Variants in CLCN6 observed in about 807,000 individuals in gnomAD.
CLCN6 encodes Cl-/H+ antiporter 6.
In CLCN6, 70 loss-of-function variants were observed where a neutral mutation model predicts 109.8. The observed-to-expected ratio is 0.64, with a 90% CI of 0.53 to 0.78. CLCN6 has a LOEUF of 0.78. CLCN6 is among the 30% of genes least tolerant of loss of function. The probability of loss-of-function intolerance (pLI) is 0.00; values close to 1 mark genes in which losing one functional copy is unlikely to be tolerated. For synonymous variants in CLCN6, 444 were observed against 447.8 expected, an observed-to-expected ratio of 0.99 and a Z score of 0.11; for missense variants, 984 against 1,142.3, an observed-to-expected ratio of 0.86 and a Z score of 2.00.
Position 11,833,958 on chromosome 1 carries a change from C to T in CLCN6, c.1454C>T (p.Pro485Leu). The T allele has an allele frequency of 1.2e-6, 2 of 1,614,018 alleles. No homozygotes were observed. Among genetic ancestry groups the T allele is most frequent in the Non-Finnish European group, 1.7e-6 (2 of 1,180,022 alleles). ...LACWTYGISV[P>L]SGLFVPSLLC... ...TGTTGGACTTACGGCATTTCTGTTC[C>T]AAGTGGCCTTTTTGTGCCTTCTCTG... Residue 485 changes from proline (P) to leucine (L), a missense_variant, in exon 15 of 23, where the codon CCA becomes CTA. Transcript: ENST00000346436.
intron 22 of CLCN6, among the ~76,000 whole-genome samples, 161 bp from the exon 23 acceptor site, chr1:11,839,982 G>T (rs750116021): frequency 2.0e-5 from 3 of 152,230 alleles, no homozygotes; most frequent in Admixed American, 6.5e-5. Flanking sequence ...CCTCCAGTGT[G>T]TGAGCCCTCG....
chr1:11,836,586 G>A (rs1442445910), intron 18 of CLCN6, among the ~76,000 whole-genome samples: 1 of 152,140 alleles, frequency 6.6e-6, no homozygotes, highest in Non-Finnish European at 1.5e-5. Flanking sequence ...GACATCCCTT[G>A]GGTACCAGGA....
intron 4 of CLCN6, 31 bp downstream of exon 4, chr1:11,816,711 G>A: frequency 1.3e-6 from 2 of 1,586,322 alleles, no homozygotes; most frequent in Non-Finnish European, 1.7e-6. Flanking sequence ...GGGATGGTGG[G>A]CCATAGGGCT....
rs148098036 is a variant in CLCN6 at position 11,838,628 on chromosome 1, C to T, written c.2497C>T (p.Arg833Cys). Residue 833 changes from arginine (R) to cysteine (C), a missense_variant, in exon 22 of 23, where the codon CGC (arginine) becomes TGC (cysteine). Arg to Cys is a radical substitution (Grantham distance 180). Coordinates refer to ENST00000346436, the MANE Select transcript of CLCN6 (RefSeq NM_001286.5). ...VFNLFRTMGL[R>C]HLPVVNAVGE... ...CAACCTGTTCAGAACGATGGGCCTG[C>T]GCCACCTGCCCGTGGTGAACGCTGT... The T allele has an allele frequency of 7.4e-6, 12 of 1,614,240 alleles. No homozygotes were observed. Among genetic ancestry groups the T allele is most frequent in the East Asian group, 2.2e-5 (1 of 44,890 alleles).
At chr1:11,811,024 A>G (rs1424163428) in intron 2 of CLCN6, among the ~76,000 whole-genome samples, 1 of 152,152 alleles carries the variant, frequency 6.6e-6, no homozygotes, top group Non-Finnish European at 1.5e-5. Context: ...CAGCCTGGGC[A>G]ACATGGCGAG....
At position 11,834,102 on chromosome 1, in the gene CLCN6, G is replaced by GCA. The variant is rs1477538981; in HGVS notation, c.1526+73_1526+74insAC. 8 of 1,593,220 alleles carry GCA rather than the reference G, an allele frequency of 5.0e-6. No individual in the cohort carries two copies. In the Admixed American group the frequency reaches 1.4e-4, roughly 28 times the overall value. On this transcript the variant is annotated intron_variant, in intron 15 of 22. Transcript: ENST00000346436. The surrounding 1 kb of genome is among the most constrained non-coding windows in gnomAD (Gnocchi z 4.5). ...CGTGTGCGTGTGTATGCATGTGTGT[G>GCA]CGTGTGCGTGCGTTGATGTGTCTGT...
intron 3 of CLCN6, 91 bp from the exon 4 acceptor site, chr1:11,816,524 A>G (rs1644674402): frequency 3.4e-6 from 4 of 1,178,476 alleles, no homozygotes; most frequent in South Asian, 2.6e-5. Context: ...TCCACGTGGA[A>G]TTTAGCTTAA....
At chr1:11,836,933 A>G (rs1296797887) in intron 18 of CLCN6, 66 bp from the exon 19 acceptor site, 2 of 1,573,912 alleles carry the variant, frequency 1.3e-6, no homozygotes, top group Non-Finnish European at 1.7e-6. Flanking sequence ...CCAAATCCTT[A>G]AGCTCCATCA....
At position 11,837,369 on chromosome 1, in the gene CLCN6, C is replaced by G; in HGVS notation, c.2165C>G (p.Pro722Arg). The change falls in exon 20 of 23, where the codon CCT (proline) becomes CGT (arginine). Residue 722 changes from proline to arginine, a missense_variant. Transcript: ENST00000346436. ...RRYTPYPNLY[P>R]DQSPSEDWTM... ...TACACTCCCTACCCCAACCTATACC[C>G]TGACCAGTCCCCAAGTGAAGACTGG... 1 of 1,613,810 alleles carries G rather than the reference C, an allele frequency of 6.2e-7. No individual in the cohort carries two copies. The highest frequency in any genetic ancestry group is 8.5e-7 in the Non-Finnish European group (1 of 1,179,692).
In CLCN6 at chr1:11,827,072, C is replaced by G. The variant is rs779809776; in HGVS notation, c.708-17C>G. On this transcript the variant is annotated splice_polypyrimidine_tract_variant and intron_variant, in intron 9 of 22. Transcript: ENST00000346436. ...GGGGGCTCTTTATTGGATAACCCGT[C>G]TCTCTCCTCTCCTCAGAGACAAGAG... The G allele has an allele frequency of 1.9e-6, 3 of 1,612,668 alleles. No homozygotes were observed. The highest frequency in any genetic ancestry group is 2.5e-6 in the Non-Finnish European group (3 of 1,179,398).
chr1:11,821,917 T>C lies in CLCN6; in HGVS notation c.347-778T>C, dbSNP rs942601233. Among the ~76,000 whole-genome samples the C allele has an allele frequency of 6.7e-5, 10 of 149,988 alleles. No homozygotes were observed. The South Asian group carries it at 1.4e-3, about 22-fold the overall frequency. On this transcript the variant is annotated intron_variant, in intron 5 of 22. Coordinates refer to ENST00000346436, the MANE Select transcript of CLCN6 (RefSeq NM_001286.5). ...AGTGAAAGTGAACGAACCACAGAGT[T>C]GTGTGTATCAACATGGCTAATTCTC...
Position 11,837,610 on chromosome 1 carries a change from G to A in CLCN6, c.2295+111G>A, listed in dbSNP as rs567197293. The A allele has an allele frequency of 3.4e-5, 37 of 1,075,050 alleles. No individual in the cohort carries two copies. In the African/African-American group the frequency reaches 4.7e-4, roughly 14 times the overall value. The allele number at this position is 1,075,050 out of a possible 1,614,324, so 66.6% of individuals were successfully genotyped here. On this transcript the variant is annotated intron_variant, in intron 20 of 22. Transcript: ENST00000346436. ...CCATAGGGAAAGCTGAATGCAAGGC[G>A]AGAAGTGCAGAGTGGACTTAGGGGA...
At chr1:11,828,743 CTG>C in intron 12 of CLCN6, 119 bp downstream of exon 12, 1 of 1,099,636 alleles carries the variant, frequency 9.1e-7, no homozygotes. Flanking sequence ...TCATCTAAGA[CTG>C]AGAATCTAAA....
intron 13 of CLCN6, among the ~76,000 whole-genome samples, chr1:11,831,195 T>C (rs1213774244): frequency 1.3e-5 from 2 of 151,526 alleles, no homozygotes; most frequent in Non-Finnish European, 2.9e-5. Flanking sequence ...CTCACTCTGT[T>C]GCCCAAGCTG....
intron 8 of CLCN6, among the ~76,000 whole-genome samples, chr1:11,825,924 C>T (rs189297115): frequency 6.7e-4 from 102 of 152,342 alleles, no homozygotes; most frequent in African/African-American, 2.4e-3. Flanking sequence ...TGAGCTACCA[C>T]GCCCAGCCTC....
chr1:11,830,570 G>A (rs1308825412), intron 13 of CLCN6, among the ~76,000 whole-genome samples: 1 of 151,702 alleles, frequency 6.6e-6, no homozygotes, highest in African/African-American at 2.4e-5. Flanking sequence ...GAGCATCCCT[G>A]GATTTTGGTA....
intron 2 of CLCN6, among the ~76,000 whole-genome samples, chr1:11,808,171 C>A (rs1644546244): frequency 6.6e-6 from 1 of 150,658 alleles, no homozygotes; most frequent in South Asian, 2.1e-4. Context: ...TCTGTGCTTT[C>A]GTTATCCACT....
intron 3 of CLCN6, among the ~76,000 whole-genome samples, chr1:11,816,333 G>A (rs1644671331): frequency 6.6e-6 from 1 of 152,122 alleles, no homozygotes; most frequent in African/African-American, 2.4e-5. Flanking sequence ...TTATTGTGGT[G>A]GTCTAGAACC....
intron 2 of CLCN6, among the ~76,000 whole-genome samples, chr1:11,808,620 T>C (rs1384553478): frequency 6.6e-6 from 1 of 152,122 alleles, no homozygotes; most frequent in African/African-American, 2.4e-5. Flanking sequence ...GTTCCAAAAG[T>C]CCTTTTTTAT....
Sources: allele counts gnomAD v4.1 joint callset (sites outside exome capture counted in the v4.1 genomes callset), GRCh38; gene constraint gnomAD v4.1.1; non-coding constraint Gnocchi (gnomAD v3.1); transcripts MANE v1.5; gene names NCBI Gene and HGNC (gene_info 2026-07-23, HGNC 2026-07-21).